The following OXSR1 variants were observed in gnomAD, a reference collection of about 807,000 sequenced individuals.
The protein encoded by OXSR1 is serine/threonine-protein kinase OSR1.
OXSR1 carries 24 observed loss-of-function variants against 79.8 expected under a neutral mutation model. That is an observed-to-expected ratio of 0.30 (90% CI 0.22 to 0.42). The LOEUF is 0.42. Ranked by LOEUF, OXSR1 falls within the 10% of genes least tolerant of loss-of-function variation. OXSR1 has a pLI of 1.00. For synonymous variants in OXSR1, 226 were observed against 209.2 expected (o/e 1.08, Z -0.69); for missense variants, 430 against 618.4 (o/e 0.70, Z 3.23).
At chr3:38,179,408 C>A (rs1204960202) in intron 1 of OXSR1, among the ~76,000 whole-genome samples, 1 of 152,090 alleles carries the variant, frequency 6.6e-6, no homozygotes, top group African/African-American at 2.4e-5. Context: ...CTCAAGCAGT[C>A]CTCCCGCCTT....
chr3:38,179,995 G>A (rs1701751754), intron 1 of OXSR1, among the ~76,000 whole-genome samples: 1 of 152,104 alleles, frequency 6.6e-6, no homozygotes, highest in Admixed American at 6.6e-5. Context: ...TTTTAGTAGA[G>A]ACAGGGTTTC....
intron 2 of OXSR1, among the ~76,000 whole-genome samples, chr3:38,185,221 G>A (rs554003808): frequency 2.6e-5 from 4 of 151,822 alleles, no homozygotes; most frequent in South Asian, 2.1e-4. Flanking sequence ...TCACTAAAGC[G>A]ACACAAAGAC....
chr3:38,168,538 A>G (rs34498353), intron 1 of OXSR1, among the ~76,000 whole-genome samples: 8,254 of 152,302 alleles, frequency 0.054, 236 homozygotes, highest in Middle Eastern at 0.14. Context: ...ACGTACCATA[A>G]GATTTACCTG....
At position 38,221,613 on chromosome 3, in the gene OXSR1, G is replaced by A; in HGVS notation, c.526G>A (p.Asp176Asn). 1 of 1,613,096 alleles carries A rather than the reference G, an allele frequency of 6.2e-7. No homozygotes were observed. Among genetic ancestry groups the A allele is most frequent in the Non-Finnish European group, 8.5e-7 (1 of 1,179,194 alleles). The stretch of plus-strand genomic sequence containing the variant: ...TAGTGCTTTTTTAGCAACTGGTGGT[G>A]ATATTACCCGAAATAAAGTGAGAAA... ...GVSAFLATGGDITRNKVRKTF... is the reference protein window; with the variant it reads ...GVSAFLATGGNITRNKVRKTF... Residue 176 changes from aspartate (D) to asparagine (N), a missense_variant, in exon 6 of 18, where the codon GAT becomes AAT. This residue lies in a region of OXSR1 where 145 missense variants were observed against 228.3 expected (regional missense o/e 0.64). Coordinates refer to ENST00000311806, the MANE Select transcript of OXSR1 (RefSeq NM_005109.3).
chr3:38,194,606 G>C (rs1264252355), intron 3 of OXSR1, among the ~76,000 whole-genome samples: 1 of 152,094 alleles, frequency 6.6e-6, no homozygotes, highest in Admixed American at 6.5e-5. Flanking sequence ...GTTAGTACTG[G>C]GGAAAGATGG....
At chr3:38,243,695 G>C (rs917512750) in intron 12 of OXSR1, among the ~76,000 whole-genome samples, 1 of 152,124 alleles carries the variant, frequency 6.6e-6, no homozygotes, top group African/African-American at 2.4e-5. Flanking sequence ...TGTATATAAA[G>C]TACATTTGTG....
Position 38,209,010 on chromosome 3 carries a change from A to G in OXSR1, c.435-7086A>G, listed in dbSNP as rs989496152. Reference sequence around the variant, plus strand: ...TGCGCGCGCGCGTGCGCGCATGTGCATGTTTGGTGGGGTATGGTACCTTGC... The same window carrying G: ...TGCGCGCGCGCGTGCGCGCATGTGCGTGTTTGGTGGGGTATGGTACCTTGC... On this transcript the variant is annotated intron_variant, in intron 4 of 17. Transcript: ENST00000311806. Among the ~76,000 whole-genome samples, 9 of 151,292 alleles carry G rather than the reference A, an allele frequency of 5.9e-5. No individual in the cohort carries two copies. The East Asian group carries it at 1.8e-3, about 29-fold the overall frequency.
At chr3:38,194,921 C>A (rs994236652) in intron 3 of OXSR1, among the ~76,000 whole-genome samples, 2 of 152,122 alleles carry the variant, frequency 1.3e-5, no homozygotes, top group Non-Finnish European at 2.9e-5. Context: ...GTAATTAAAT[C>A]ATAAAATGAA....
rs528270834 is a variant in OXSR1, at chr3:38,252,842, T to C, written c.1535T>C (p.Ile512Thr). The C allele has an allele frequency of 4.4e-5, 71 of 1,613,556 alleles. No homozygotes were observed. Among genetic ancestry groups the C allele is most frequent in the Non-Finnish European group, 5.2e-5 (61 of 1,179,664 alleles). ...KLASGVEGSD[I>T]PDDGKLIGFA... ...GCATCTGGTGTCGAAGGCTCAGATA[T>C]TCCTGATGATGGTAAACTGATAGGA... The change falls in exon 18 of 18, where the codon ATT (isoleucine) becomes ACT (threonine). Residue 512 changes from isoleucine (I) to threonine (T), a missense_variant. Coordinates refer to ENST00000311806, the MANE Select transcript of OXSR1 (RefSeq NM_005109.3).
chr3:38,206,624 C>T (rs767472243), intron 4 of OXSR1, among the ~76,000 whole-genome samples: 10 of 152,114 alleles, frequency 6.6e-5, no homozygotes, highest in Non-Finnish European at 1.5e-4. Flanking sequence ...ATACTTTCAT[C>T]GGTGTTCTGA....
intron 8 of OXSR1, 132 bp downstream of exon 8, chr3:38,224,836 C>A: frequency 3.3e-6 from 2 of 603,570 alleles, no homozygotes; most frequent in Non-Finnish European, 5.6e-6. Flanking sequence ...TATACAGAGA[C>A]CATTATACTG....
intron 2 of OXSR1, among the ~76,000 whole-genome samples, chr3:38,184,113 A>G (rs1701836072): frequency 1.3e-5 from 2 of 152,182 alleles, no homozygotes; most frequent in Admixed American, 1.3e-4. Context: ...TGACCTGCCC[A>G]TCCAGAAGTT....
chr3:38,176,409 A>G (rs1318730155), intron 1 of OXSR1, among the ~76,000 whole-genome samples: 1 of 152,168 alleles, frequency 6.6e-6, no homozygotes, highest in African/African-American at 2.4e-5. Context: ...ATTAATTGCT[A>G]TTTTCTGTGA....
At chr3:38,182,972 C>CTTAT in intron 1 of OXSR1, 31 bp from the exon 2 acceptor site, 5 of 1,161,986 alleles carry the variant, frequency 4.3e-6, no homozygotes, top group Non-Finnish European at 6.4e-6. Flanking sequence ...TATCCATCTA[C>CTTAT]TTATTTACTC....
At chr3:38,229,469 CAAT>C (rs1331139665) in intron 8 of OXSR1, among the ~76,000 whole-genome samples, 3 of 151,970 alleles carry the variant, frequency 2.0e-5, no homozygotes, top group African/African-American at 7.2e-5. Flanking sequence ...AAAGAATCTA[CAAT>C]AATTATCAGA....
chr3:38,230,682 T>C, intron 10 of OXSR1: 1 of 352,724 alleles, frequency 2.8e-6, no homozygotes, highest in South Asian at 3.6e-5. Flanking sequence ...AAACTCTGTT[T>C]GATAACTGTT....
At position 38,240,006 on chromosome 3, in the gene OXSR1, G is replaced by C. The variant is rs79863947; in HGVS notation, c.1075-2737G>C. On this transcript the variant is annotated intron_variant, in intron 11 of 17. Coordinates refer to ENST00000311806, the MANE Select transcript of OXSR1 (RefSeq NM_005109.3). ...ATATATTTTGTCTTTTTTTGCAGAGGTGGGGTTGTTTCAGGCAGAAAGATA... is the reference window on the plus strand; with the variant it reads ...ATATATTTTGTCTTTTTTTGCAGAGCTGGGGTTGTTTCAGGCAGAAAGATA... 7.1e-3 allele frequency among the ~76,000 whole-genome samples: 1,084 copies of C among 152,222 alleles called. 19 individuals carry two copies. Among genetic ancestry groups the C allele is most frequent in the African/African-American group, 0.025 (1,039 of 41,540 alleles).
intron 8 of OXSR1, among the ~76,000 whole-genome samples, chr3:38,225,278 T>C (rs1405617107): frequency 2.6e-5 from 4 of 152,134 alleles, no homozygotes; most frequent in African/African-American, 7.2e-5. Flanking sequence ...ATTTTTGAGG[T>C]CACTTGATAC....
chr3:38,254,263 A>G lies in OXSR1; in HGVS notation c.*1372A>G, dbSNP rs1054922303. 7.5e-6 allele frequency: 3 copies of G among 398,748 alleles called. No homozygotes were observed. The highest frequency in any genetic ancestry group is 1.3e-5 in the Non-Finnish European group (3 of 225,930). 24.7% of individuals were successfully genotyped at this position (398,748 alleles called of 1,614,324 possible). A position where few individuals can be genotyped will look rare whatever the true frequency, so the allele number is the denominator to read the frequency against. Reference sequence around the variant, plus strand: ...CTTTCCAGCACTGTTGGTCTGATGAACAAGGTTGTTTTACCTTATTTTCTC... The same window carrying G: ...CTTTCCAGCACTGTTGGTCTGATGAGCAAGGTTGTTTTACCTTATTTTCTC... On this transcript the variant is annotated 3_prime_UTR_variant, in exon 18 of 18. Coordinates refer to ENST00000311806, the MANE Select transcript of OXSR1 (RefSeq NM_005109.3).
Sources: allele counts gnomAD v4.1 joint callset (sites outside exome capture counted in the v4.1 genomes callset), GRCh38; gene constraint gnomAD v4.1.1; regional missense constraint gnomAD v4.1.1; transcripts MANE v1.5; gene names NCBI Gene and HGNC (gene_info 2026-07-23, HGNC 2026-07-21).